The following SPOCK3 variants were observed in gnomAD, a reference collection of about 807,000 sequenced individuals.
SPOCK3 encodes the protein testican-3.
Under a neutral mutation model 56.6 loss-of-function variants are expected in SPOCK3, and 30 were observed. The ratio of observed to expected loss-of-function variants is 0.53; its 90% CI spans 0.40 to 0.72. The LOEUF (loss-of-function observed/expected upper bound fraction) is 0.72, where lower values mean the gene tolerates loss of function less well. SPOCK3 is among the 30% of genes least tolerant of loss of function. SPOCK3 has a pLI of 0.00. For synonymous variants in SPOCK3, 196 were observed against 183.3 expected (o/e 1.07, Z -0.56); for missense variants, 527 against 530.0 (o/e 0.99, Z 0.06).
intron 2 of SPOCK3, among the ~76,000 whole-genome samples, chr4:167,071,357 A>T (rs1756658742): frequency 1.3e-5 from 2 of 152,058 alleles, no homozygotes. Flanking sequence ...CGTCGTCTAC[A>T]TTAGGTGTTT....
chr4:166,748,092 T>C (rs895896024), intron 8 of SPOCK3, among the ~76,000 whole-genome samples: 5 of 151,462 alleles, frequency 3.3e-5, no homozygotes, highest in African/African-American at 9.8e-5. Flanking sequence ...TGCCATCCCC[T>C]TCAAGCTACC....
intron 7 of SPOCK3, among the ~76,000 whole-genome samples, chr4:166,774,836 C>CA (rs1252367164): frequency 6.6e-6 from 1 of 152,162 alleles, no homozygotes; most frequent in East Asian, 1.9e-4. Context: ...TAGCTCTTTC[C>CA]AAAGAAACCT....
chr4:167,046,428 T>A (rs1317210429), intron 3 of SPOCK3, among the ~76,000 whole-genome samples: 2 of 149,824 alleles, frequency 1.3e-5, no homozygotes, highest in African/African-American at 4.9e-5. Context: ...TCCTTTATTA[T>A]CTTTTTTTTC....
At chr4:166,752,105 C>T (rs1736445162) in intron 8 of SPOCK3, among the ~76,000 whole-genome samples, 1 of 151,980 alleles carries the variant, frequency 6.6e-6, no homozygotes, top group Admixed American at 6.6e-5. Context: ...GGTGCCATCT[C>T]AGCTCACTGC....
chr4:166,863,544 C>A (rs1300078309), intron 6 of SPOCK3, among the ~76,000 whole-genome samples: 1 of 149,854 alleles, frequency 6.7e-6, no homozygotes, highest in Non-Finnish European at 1.5e-5. Flanking sequence ...GGAGACTCAT[C>A]TCACATTCAA....
intron 7 of SPOCK3, among the ~76,000 whole-genome samples, chr4:166,763,452 T>C (rs946537298): frequency 2.6e-5 from 4 of 152,000 alleles, no homozygotes; most frequent in Admixed American, 1.3e-4. Context: ...TAATACCAGA[T>C]GGAAATCTGG....
At chr4:167,018,395 G>A (rs1750850899) in intron 3 of SPOCK3, among the ~76,000 whole-genome samples, 1 of 151,992 alleles carries the variant, frequency 6.6e-6, no homozygotes, top group South Asian at 2.1e-4. Flanking sequence ...TCCTACTTTA[G>A]TTTTGGAATT....
intron 7 of SPOCK3, among the ~76,000 whole-genome samples, chr4:166,764,405 C>T (rs7694516): frequency 0.8 from 121,117 of 151,702 alleles, 48,583 homozygotes; most frequent in African/African-American, 0.82. Flanking sequence ...GTGTTCTCAT[C>T]GTTCAATTCC....
chr4:167,169,099 C>T (rs557346241), intron 2 of SPOCK3, among the ~76,000 whole-genome samples: 2 of 152,288 alleles, frequency 1.3e-5, no homozygotes, highest in African/African-American at 2.4e-5. Flanking sequence ...TGGATGCCCA[C>T]GAAGAAGTTT....
intron 4 of SPOCK3, among the ~76,000 whole-genome samples, chr4:166,981,464 G>A (rs891252646): frequency 6.6e-6 from 1 of 151,892 alleles, no homozygotes; most frequent in Admixed American, 6.6e-5. Flanking sequence ...ATGTCATCCC[G>A]ACAAGTTGAA....
chr4:166,900,334 T>C (rs1310821480), intron 5 of SPOCK3, among the ~76,000 whole-genome samples: 1 of 152,158 alleles, frequency 6.6e-6, no homozygotes, highest in Non-Finnish European at 1.5e-5. Flanking sequence ...TCTGATATTG[T>C]TGGGCATTGG....
chr4:166,835,708 G>A lies in SPOCK3; in HGVS notation c.590-43419C>T, dbSNP rs12650356. 2.7e-3 allele frequency among the ~76,000 whole-genome samples: 407 copies of A among 152,076 alleles called. 10 individuals are homozygous for A. The East Asian group carries it at 0.061, about 23-fold the overall frequency. Reference sequence around the variant, plus strand: ...ATTTCATGAGACAATATAAATATTCGTTCAAAAAATTCTGTTTTGGCCGGG... The same window carrying A: ...ATTTCATGAGACAATATAAATATTCATTCAAAAAATTCTGTTTTGGCCGGG... On this transcript the variant is annotated intron_variant, in intron 6 of 10. Coordinates refer to ENST00000357545, the MANE Select transcript of SPOCK3 (RefSeq NM_001040159.2).
At chr4:167,125,608 G>A (rs977426061) in intron 2 of SPOCK3, among the ~76,000 whole-genome samples, 2 of 151,990 alleles carry the variant, frequency 1.3e-5, no homozygotes, top group South Asian at 2.1e-4. Context: ...CAAGCTACTC[G>A]GGAGGCTGAG....
At chr4:166,905,707 G>A (rs1049118854) in intron 5 of SPOCK3, among the ~76,000 whole-genome samples, 1 of 151,894 alleles carries the variant, frequency 6.6e-6, no homozygotes, top group African/African-American at 2.4e-5. Flanking sequence ...TATTCATGGA[G>A]AAGGATATTA....
chr4:166,888,098 G>A lies in SPOCK3; in HGVS notation c.589+1032C>T, dbSNP rs141361578. Among the ~76,000 whole-genome samples, 1,225 of 151,864 alleles carry A rather than the reference G, an allele frequency of 8.1e-3. 15 individuals carry two copies. Among genetic ancestry groups the A allele is most frequent in the African/African-American group, 0.027 (1,132 of 41,416 alleles). On this transcript the variant is annotated intron_variant, in intron 6 of 10. Transcript: ENST00000357545. ...TTAAAGAGTTAATACCAATATAAGT[G>A]GCATAACTGAAGTTTGGAAGTTATA... is the stretch of plus-strand genomic sequence containing the variant.
chr4:166,769,952 C>T (rs537611506), intron 7 of SPOCK3, among the ~76,000 whole-genome samples: 15 of 152,078 alleles, frequency 9.9e-5, no homozygotes, highest in South Asian at 4.1e-4. Context: ...GTGCTAGTAA[C>T]GAGTGAGGCT....
chr4:166,970,476 C>A (rs1308089007), intron 4 of SPOCK3, among the ~76,000 whole-genome samples: 3 of 152,160 alleles, frequency 2.0e-5, no homozygotes, highest in African/African-American at 7.2e-5. Context: ...GTAATCCCAG[C>A]ACTTTGGGAG....
intron 4 of SPOCK3, among the ~76,000 whole-genome samples, chr4:166,919,317 G>C (rs562169391): frequency 6.6e-6 from 1 of 152,260 alleles, no homozygotes; most frequent in African/African-American, 2.4e-5. Context: ...AAGAGAAGTG[G>C]ATAATTTATA....
chr4:166,917,506 T>G (rs1419761146), intron 4 of SPOCK3, among the ~76,000 whole-genome samples: 1 of 152,120 alleles, frequency 6.6e-6, no homozygotes, highest in Non-Finnish European at 1.5e-5. Flanking sequence ...CGACAGTAGC[T>G]CCACTGGAGT....
Sources: gnomAD v4.1 joint callset for allele counts (sites outside exome capture counted in the v4.1 genomes callset) on GRCh38, gnomAD v4.1.1 for gene constraint, MANE v1.5 for transcripts, NCBI Gene and HGNC (gene_info 2026-07-23, HGNC 2026-07-21) for gene names.